Variants in ERBB4 observed in about 807,000 individuals in gnomAD.
ERBB4 encodes the protein erb-b2 receptor tyrosine kinase 4.
In ERBB4, 42 loss-of-function variants were observed where a neutral mutation model predicts 158.0. The observed-to-expected ratio is 0.27, with a 90% CI of 0.21 to 0.34. ERBB4 has a LOEUF of 0.34. Ranked by LOEUF, ERBB4 falls within the 10% of genes least tolerant of loss-of-function variation. ERBB4 has a pLI of 1.00. For synonymous variants in ERBB4, 583 were observed against 558.7 expected (o/e 1.04, Z -0.61); for missense variants, 1,333 against 1,624.1 (o/e 0.82, Z 3.08).
chr2:212,155,760 C>G (rs567948859), intron 1 of ERBB4, among the ~76,000 whole-genome samples: 1 of 152,070 alleles, frequency 6.6e-6, no homozygotes, highest in South Asian at 2.1e-4. Context: ...ATCTGTGTGT[C>G]ATCAATAAAT....
At chr2:212,185,372 A>T (rs1268752486) in intron 1 of ERBB4, among the ~76,000 whole-genome samples, 4 of 146,258 alleles carry the variant, frequency 2.7e-5, no homozygotes, top group African/African-American at 7.9e-5. Flanking sequence ...TCAGAAAAAG[A>T]AAAAAAAAAG....
chr2:212,035,527 C>T (rs147542785), intron 2 of ERBB4, among the ~76,000 whole-genome samples: 4 of 152,160 alleles, frequency 2.6e-5, no homozygotes, highest in Admixed American at 6.6e-5. Flanking sequence ...TAAATCTTTG[C>T]GCTCTCTTCT....
intron 2 of ERBB4, among the ~76,000 whole-genome samples, chr2:212,110,521 C>T (rs1009389642): frequency 2.0e-5 from 3 of 152,198 alleles, no homozygotes; most frequent in African/African-American, 7.2e-5. Context: ...CTGCTGCTAC[C>T]GCCTCACTGA....
intron 1 of ERBB4, among the ~76,000 whole-genome samples, chr2:212,491,825 A>G (rs1690294741): frequency 6.6e-6 from 1 of 151,548 alleles, no homozygotes; most frequent in African/African-American, 2.4e-5. Context: ...ATTCAAAACT[A>G]TTGACATTCC....
chr2:211,584,664 T>A (rs1271212518), intron 19 of ERBB4, among the ~76,000 whole-genome samples: 1 of 151,948 alleles, frequency 6.6e-6, no homozygotes, highest in Non-Finnish European at 1.5e-5. Flanking sequence ...TATATATGAA[T>A]AAGAAACACA....
chr2:212,191,934 T>C (rs1040990660), intron 1 of ERBB4, among the ~76,000 whole-genome samples: 18 of 118,634 alleles, frequency 1.5e-4, no homozygotes, highest in African/African-American at 4.9e-4. Flanking sequence ...TTATATATTA[T>C]ATATGATGCA....
rs189854489 is a variant in ERBB4, at chr2:212,211,739, C to T, written c.83-86836G>A. Among the ~76,000 whole-genome samples, 13 of 152,042 alleles carry T rather than the reference C, an allele frequency of 8.6e-5. No individual in the cohort carries two copies. The East Asian group carries it at 2.5e-3, about 29-fold the overall frequency. ...AAGTTCCCTCCCCTCCCCACTCATA[C>T]CCCAACAGGGCCTGGTGTGTATTGT... On this transcript the variant is annotated intron_variant, in intron 1 of 27. Transcript: ENST00000342788.
intron 1 of ERBB4, among the ~76,000 whole-genome samples, chr2:212,444,473 A>G (rs189444768): frequency 1.7e-4 from 26 of 152,310 alleles, no homozygotes; most frequent in Non-Finnish European, 3.4e-4. Context: ...AATCTGGGGA[A>G]GAGGTATGTG....
intron 1 of ERBB4, among the ~76,000 whole-genome samples, chr2:212,327,153 G>A (rs2087882231): frequency 6.6e-6 from 1 of 150,418 alleles, no homozygotes; most frequent in Non-Finnish European, 1.5e-5. Context: ...TATACTTCTG[G>A]TTACATGATA....
chr2:211,584,515 T>C (rs188217603), intron 19 of ERBB4, among the ~76,000 whole-genome samples: 140 of 152,184 alleles, frequency 9.2e-4, no homozygotes, highest in African/African-American at 3.0e-3. Flanking sequence ...CTAATGTTGG[T>C]TTCTTGATCC....
intron 3 of ERBB4, among the ~76,000 whole-genome samples, chr2:211,919,181 T>C (rs887461661): frequency 2.6e-5 from 4 of 152,100 alleles, no homozygotes; most frequent in Non-Finnish European, 5.9e-5. Flanking sequence ...TGGGGCAGTT[T>C]CCAAAGTAAT....
At chr2:212,433,550 C>T (rs773513447) in intron 1 of ERBB4, among the ~76,000 whole-genome samples, 6 of 151,954 alleles carry the variant, frequency 3.9e-5, no homozygotes, top group Non-Finnish European at 5.9e-5. Flanking sequence ...AAATGGTGTT[C>T]CTTTAATACA....
chr2:212,191,047 T>C (rs1306005952), intron 1 of ERBB4, among the ~76,000 whole-genome samples: 2 of 151,932 alleles, frequency 1.3e-5, no homozygotes, highest in African/African-American at 2.4e-5. Flanking sequence ...TTTTTTTTTT[T>C]AGATAAAGAT....
intron 12 of ERBB4, among the ~76,000 whole-genome samples, chr2:211,688,862 T>A (rs1247625418): frequency 6.6e-6 from 1 of 152,210 alleles, no homozygotes; most frequent in African/African-American, 2.4e-5. Flanking sequence ...AATGCTTTCC[T>A]GTGTAGATAG....
At chr2:211,700,606 TG>T (rs1313793663) in intron 12 of ERBB4, among the ~76,000 whole-genome samples, 1 of 152,156 alleles carries the variant, frequency 6.6e-6, no homozygotes, top group Non-Finnish European at 1.5e-5. Flanking sequence ...TGGAACAAGA[TG>T]GGGTCTTAAT....
chr2:212,316,665 T>C (rs2087295398), intron 1 of ERBB4, among the ~76,000 whole-genome samples: 1 of 151,430 alleles, frequency 6.6e-6, no homozygotes, highest in Non-Finnish European at 1.5e-5. Context: ...AATTGCTTGT[T>C]TAGATGTATG....
chr2:211,415,178 G>A (rs184000660), intron 25 of ERBB4, among the ~76,000 whole-genome samples: 6 of 140,414 alleles, frequency 4.3e-5, no homozygotes, highest in South Asian at 2.3e-4. Context: ...GTGCAGTGGC[G>A]CGACCTCGGC....
rs538351250 is a variant in ERBB4 at position 212,057,247 on chromosome 2, G to A, written c.234+67505C>T. ...AGAGCTAACTGTTCTAAATATATAT[G>A]CACCCAATACAGGAGCACCCAGATT... On this transcript the variant is annotated intron_variant, in intron 2 of 27. Transcript: ENST00000342788. Among the ~76,000 whole-genome samples the A allele has an allele frequency of 1.1e-4, 17 of 152,258 alleles. 1 individual carries two copies. The highest frequency in any genetic ancestry group is 2.9e-4 in the African/African-American group (12 of 41,548).
At chr2:211,619,136 A>G in intron 19 of ERBB4, 41 bp downstream of exon 19, 1 of 1,193,140 alleles carries the variant, frequency 8.4e-7, no homozygotes, top group Non-Finnish European at 1.3e-6. Flanking sequence ...AGGCTATTTG[A>G]TAATGGAGAA....
Sources: gnomAD v4.1 joint callset for allele counts (sites outside exome capture counted in the v4.1 genomes callset) on GRCh38, gnomAD v4.1.1 for gene constraint, MANE v1.5 for transcripts, NCBI Gene and HGNC (gene_info 2026-07-23, HGNC 2026-07-21) for gene names.